The following SLC2A8 variants were observed in gnomAD, a reference collection of about 807,000 sequenced individuals.
SLC2A8 encodes solute carrier family 2 member 8, also known as solute carrier family 2, facilitated glucose transporter member 8.
A neutral mutation model predicts 49.2 loss-of-function variants in SLC2A8; 53 were observed. That is an observed-to-expected ratio of 1.08 (90% CI 0.86 to 1.35). The LOEUF (loss-of-function observed/expected upper bound fraction) is 1.35, where lower values mean the gene tolerates loss of function less well. Ranked by LOEUF, SLC2A8 falls within the 40% of genes most tolerant of loss-of-function variation. The pLI is 0.00. For synonymous variants in SLC2A8, 299 were observed against 297.0 expected, an observed-to-expected ratio of 1.01 and a Z score of -0.07; for missense variants, 688 against 671.7, an observed-to-expected ratio of 1.02 and a Z score of -0.27.
chr9:127,406,571 A>T (rs1272375038), intron 9 of SLC2A8, among the ~76,000 whole-genome samples: 2 of 130,578 alleles, frequency 1.5e-5, no homozygotes, highest in African/African-American at 5.5e-5. Context: ...GCCAGGTCCC[A>T]GAGGACCAGG....
intron 3 of SLC2A8, 21 bp downstream of exon 3, chr9:127,398,132 G>T: frequency 6.4e-7 from 1 of 1,566,298 alleles, no homozygotes; most frequent in South Asian, 1.2e-5. Flanking sequence ...CGTCTCTCGA[G>T]TGTCCTGTCT....
At position 127,400,993 on chromosome 9, in the gene SLC2A8, G is replaced by A. The variant is rs550822823; in HGVS notation, c.526+987G>A. On this transcript the variant is annotated intron_variant, in intron 4 of 9. Transcript: ENST00000373371. ...ACCTGTAATCCCAGCTACCTGGGGGGCTGAGGCACAAGAATTGCTTGAACC... is the reference window on the plus strand; with the variant it reads ...ACCTGTAATCCCAGCTACCTGGGGGACTGAGGCACAAGAATTGCTTGAACC... Among the ~76,000 whole-genome samples the A allele has an allele frequency of 3.1e-3, 465 of 152,338 alleles. 4 individuals carry two copies. The highest frequency in any genetic ancestry group is 0.011 in the African/African-American group (448 of 41,568).
At position 127,397,475 on chromosome 9, in the gene SLC2A8, TAGCCTGC is replaced by T; in HGVS notation, c.160_166del (p.Leu54AlafsTer21). 6.8e-7 allele frequency: 1 copy of T among 1,478,128 alleles called. No homozygotes were observed. The highest frequency in any genetic ancestry group is 2.1e-4 in the Middle Eastern group (1 of 4,692). 91.6% of individuals were successfully genotyped at this position (1,478,128 alleles called of 1,614,324 possible). On this transcript the variant is annotated frameshift_variant, in exon 2 of 10. Transcript: ENST00000373371. LOFTEE classifies it high-confidence loss of function. ...TCGGCTACAGCTCCCCGGCCATCCC[TAGCCTGC>T]AGCGCGCCGCGCCCCCGGCCCCGCG...
rs1445685315 is a variant in SLC2A8 at position 127,405,009 on chromosome 9, A to C, written c.1150+18A>C. On this transcript the variant is annotated intron_variant, in intron 8 of 9. Coordinates refer to ENST00000373371, the MANE Select transcript of SLC2A8 (RefSeq NM_014580.5). ...CATCGCCGGTAAGGGGGCCTGTGGG[A>C]GGCTGGGCGAGGAGTGGGAGGTGAT... 6.3e-7 allele frequency: 1 copy of C among 1,582,990 alleles called. No homozygotes were observed. Among genetic ancestry groups the C allele is most frequent in the East Asian group, 2.3e-5 (1 of 44,200 alleles).
chr9:127,402,521 G>A, intron 4 of SLC2A8, 36 bp from the exon 5 acceptor site: 1 of 1,481,826 alleles, frequency 6.7e-7, no homozygotes, highest in Non-Finnish European at 8.9e-7. Context: ...GCTCACCCTG[G>A]CTCTGACGCC....
chr9:127,398,634 C>T (rs553405900), intron 3 of SLC2A8, among the ~76,000 whole-genome samples: 3 of 152,236 alleles, frequency 2.0e-5, no homozygotes, highest in Non-Finnish European at 4.4e-5. Context: ...CCCTCCTGAC[C>T]CAGGCTGCCC....
intron 4 of SLC2A8, 69 bp downstream of exon 4, chr9:127,400,075 G>A: frequency 7.4e-7 from 1 of 1,352,718 alleles, no homozygotes; most frequent in African/African-American, 1.4e-5. Flanking sequence ...TGTAAACAGA[G>A]GTTCAGTGAG....
chr9:127,404,982 T>C lies in SLC2A8; in HGVS notation c.1141T>C (p.Phe381Leu), dbSNP rs748024892. 8 of 1,599,666 alleles carry C rather than the reference T, an allele frequency of 5.0e-6. No homozygotes were observed. In the South Asian group the frequency reaches 8.8e-5, roughly 18 times the overall value. The stretch of plus-strand genomic sequence containing the variant: ...GCTGGCCGTGGGCAGCATGTGCCTC[T>C]TCATCGCCGGTAAGGGGGCCTGTGG... ...AWLAVGSMCL[F>L]IAGFAVGWGP... The change falls in exon 8 of 10, where the codon TTC becomes CTC. Residue 381 changes from phenylalanine to leucine, a missense_variant. Coordinates refer to ENST00000373371, the MANE Select transcript of SLC2A8 (RefSeq NM_014580.5).
Position 127,402,732 on chromosome 9 carries a change from C to T in SLC2A8, c.702C>T (p.Asp234=). Residue 234 remains aspartate (D), a synonymous_variant, in exon 5 of 10, where the codon GAC becomes GAT. Transcript: ENST00000373371. The part of the protein sequence containing the change: ...FLWGSEQGWE[D]PPIGAEQSFH... ...GGGGCTCCGAGCAGGGCTGGGAAGA[C>T]CCCCCCATCGGGGCTGAGCAGGTGA... 6.5e-7 allele frequency: 1 copy of T among 1,546,034 alleles called. No homozygotes were observed. Among genetic ancestry groups the T allele is most frequent in the Non-Finnish European group, 8.7e-7 (1 of 1,145,434 alleles).
chr9:127,397,990 T>G lies in SLC2A8; in HGVS notation c.305T>G (p.Leu102Arg). ...DRAGRKLSLL[L>R]CSVPFVAGFA... ...GCCGGGCGCAAGCTGAGCCTCTTGC[T>G]GTGCTCCGTGCCCTTCGTGGCCGGC... Residue 102 changes from leucine (L) to arginine (R), a missense_variant, in exon 3 of 10, where the codon CTG becomes CGG. By Grantham distance (102) the Leu-to-Arg change is moderately radical. Coordinates refer to ENST00000373371, the MANE Select transcript of SLC2A8 (RefSeq NM_014580.5). 1 of 1,550,906 alleles carries G rather than the reference T, an allele frequency of 6.4e-7. No homozygotes were observed. Among genetic ancestry groups the G allele is most frequent in the Non-Finnish European group, 8.7e-7 (1 of 1,155,136 alleles).
chr9:127,397,578 C>A (rs1343400940), intron 2 of SLC2A8, 40 bp downstream of exon 2: 19 of 1,368,892 alleles, frequency 1.4e-5, no homozygotes, highest in Non-Finnish European at 1.8e-5. Flanking sequence ...TGGGACCCCA[C>A]GCCCTCCTCT....
In SLC2A8 at chr9:127,397,174, C is replaced by G; in HGVS notation, c.-57C>G. 3.5e-6 allele frequency: 5 copies of G among 1,423,672 alleles called. No individual in the cohort carries two copies. Among genetic ancestry groups the G allele is most frequent in the Non-Finnish European group, 4.6e-6 (5 of 1,096,002 alleles). 88.2% of individuals were successfully genotyped at this position (1,423,672 alleles called of 1,614,324 possible). On this transcript the variant is annotated 5_prime_UTR_variant, in exon 1 of 10. Transcript: ENST00000373371. The stretch of plus-strand genomic sequence containing the variant: ...GCGAGAGGCCGGTGCGGGCCGCACT[C>G]GCAGGGCCCGTGGCGGTTCAGGCGC...
chr9:127,407,163 T>A lies in SLC2A8; in HGVS notation c.1348T>A (p.Phe450Ile). The change falls in exon 10 of 10, where the codon TTC (phenylalanine) becomes ATC (isoleucine). Residue 450 changes from phenylalanine (F) to isoleucine (I), a missense_variant. Transcript: ENST00000373371. Reference sequence around the variant, plus strand: ...CTGGCTTGCCTCCGCTTTCTGCATCTTCAGTGTCCTTTTCACTTTGTTCTG... The same window carrying A: ...CTGGCTTGCCTCCGCTTTCTGCATCATCAGTGTCCTTTTCACTTTGTTCTG... Reference protein sequence around the residue: ...AFWLASAFCIFSVLFTLFCVP... With the variant: ...AFWLASAFCIISVLFTLFCVP... 1 of 1,613,718 alleles carries A rather than the reference T, an allele frequency of 6.2e-7. No homozygotes were observed. Among genetic ancestry groups the A allele is most frequent in the East Asian group, 2.2e-5 (1 of 44,886 alleles).
Position 127,402,602 on chromosome 9 carries a change from C to T in SLC2A8, c.572C>T (p.Pro191Leu). 6.3e-7 allele frequency: 1 copy of T among 1,594,210 alleles called. No individual in the cohort carries two copies. The highest frequency in any genetic ancestry group is 1.1e-5 in the South Asian group (1 of 88,176). ...WRWLAVLGCV[P>L]PSLMLLLMCF... ...TGGCTGGCTGTGCTGGGCTGCGTGC[C>T]CCCCTCCCTCATGCTGCTTCTCATG... The change falls in exon 5 of 10, where the codon CCC (proline) becomes CTC (leucine). Residue 191 changes from proline (P) to leucine (L), a missense_variant. Coordinates refer to ENST00000373371, the MANE Select transcript of SLC2A8 (RefSeq NM_014580.5).
At chr9:127,404,654 G>C in intron 7 of SLC2A8, 164 bp from the exon 8 acceptor site, 1 of 745,188 alleles carries the variant, frequency 1.3e-6, no homozygotes, top group Non-Finnish European at 2.1e-6. Flanking sequence ...TCCAAGGCGG[G>C]GTGGCTGCCA....
At chr9:127,397,317 G>T in intron 1 of SLC2A8, 31 bp downstream of exon 1, 1 of 1,379,254 alleles carries the variant, frequency 7.3e-7, no homozygotes. Context: ...GCCCGGATGC[G>T]GCCTCGCCCT....
intron 4 of SLC2A8, among the ~76,000 whole-genome samples, chr9:127,401,184 A>G (rs1314985202): frequency 6.6e-6 from 1 of 152,224 alleles, no homozygotes; most frequent in African/African-American, 2.4e-5. Context: ...ACCTTGGCCA[A>G]GTCATACCAC....
intron 2 of SLC2A8, 29 bp from the exon 3 acceptor site, chr9:127,397,876 C>A (rs1479711548): frequency 6.9e-7 from 1 of 1,449,688 alleles, no homozygotes; most frequent in South Asian, 1.4e-5. Context: ...GGCTTCGGCG[C>A]CCCCTCCTCA....
At position 127,397,533 on chromosome 9, in the gene SLC2A8, T is replaced by C. The variant is rs893046683; in HGVS notation, c.214T>C (p.Phe72Leu). The C allele has an allele frequency of 7.1e-7, 1 of 1,413,936 alleles. No individual in the cohort carries two copies. The allele number at this position is 1,413,936 out of a possible 1,614,324, so 87.6% of individuals were successfully genotyped here. ...PRLDDAAASW[F>L]GAVVTLGAAA... ...CCTGGACGACGCCGCCGCCTCCTGGTTCGGGGTGAGGCCCCGGGCTCGCTC... is the reference window on the plus strand; with the variant it reads ...CCTGGACGACGCCGCCGCCTCCTGGCTCGGGGTGAGGCCCCGGGCTCGCTC... Residue 72 changes from phenylalanine (F) to leucine (L), a missense_variant, in exon 2 of 10, where the codon TTC (phenylalanine) becomes CTC (leucine). Transcript: ENST00000373371.
Sources: gnomAD v4.1 joint callset for allele counts (sites outside exome capture counted in the v4.1 genomes callset) on GRCh38, gnomAD v4.1.1 for gene constraint, MANE v1.5 for transcripts, NCBI Gene and HGNC (gene_info 2026-07-23, HGNC 2026-07-21) for gene names.